The following HACD4 variants were observed in gnomAD, a reference collection of about 807,000 sequenced individuals.
The protein encoded by HACD4 is 3-hydroxyacyl-CoA dehydratase 4, also known as very-long-chain (3R)-3-hydroxyacyl-CoA dehydratase 4.
In HACD4, 35 loss-of-function variants were observed where a neutral mutation model predicts 33.3. The observed-to-expected ratio is 1.05, with a 90% CI of 0.80 to 1.39. The LOEUF (loss-of-function observed/expected upper bound fraction) is 1.39. Ranked by LOEUF, HACD4 falls within the 40% of genes most tolerant of loss-of-function variation. The pLI is 0.00. For synonymous variants in HACD4, 118 were observed against 98.0 expected (o/e 1.20, Z -1.21); for missense variants, 323 against 276.5 (o/e 1.17, Z -1.19).
chr9:21,031,469 CG>C, intron 1 of HACD4, 83 bp downstream of exon 1: 1 of 1,361,012 alleles, frequency 7.3e-7, no homozygotes, highest in Non-Finnish European at 9.4e-7. Flanking sequence ...GGGTGCCGCC[CG>C]CCCGCCCGCC....
chr9:21,020,275 T>C lies in HACD4; in HGVS notation c.271-4265A>G, dbSNP rs148015567. 5.5e-3 allele frequency among the ~76,000 whole-genome samples: 834 copies of C among 152,264 alleles called. 8 individuals are homozygous for C. Among genetic ancestry groups the C allele is most frequent in the African/African-American group, 0.019 (788 of 41,552 alleles). ...GTATAATTGAATCATTTTAATTCAA[T>C]TACAAATGAAATATTGGCATTTAAA... On this transcript the variant is annotated intron_variant, in intron 3 of 6. Coordinates refer to ENST00000495827, the MANE Select transcript of HACD4 (RefSeq NM_001010915.5).
At chr9:21,029,864 C>T (rs6475499) in intron 1 of HACD4, among the ~76,000 whole-genome samples, 141,640 of 151,996 alleles carry the variant, frequency 0.93, 66,271 homozygotes, top group East Asian at 1. Context: ...GGCCTGATGC[C>T]GCGGCCCAGC....
rs1172822601 is a variant in HACD4 at position 21,029,514 on chromosome 9, A to G, written c.39-116T>C. 5 of 589,152 alleles carry G rather than the reference A, an allele frequency of 8.5e-6. No individual in the cohort carries two copies. In the East Asian group the frequency reaches 1.2e-4, roughly 14 times the overall value. 36.5% of individuals were successfully genotyped at this position (589,152 alleles called of 1,614,324 possible). On this transcript the variant is annotated intron_variant, in intron 1 of 6. Transcript: ENST00000495827. ...AGAAAGCAAAAGAAAACTGTTTCAT[A>G]TCAGTCTTTTATCTGGTTACCCCCA...
At chr9:21,023,359 A>C (rs1057476124) in intron 3 of HACD4, among the ~76,000 whole-genome samples, 5 of 152,154 alleles carry the variant, frequency 3.3e-5, no homozygotes, top group African/African-American at 1.2e-4. Context: ...CTAGAACTTA[A>C]AGTATAATTT....
At chr9:21,010,951 A>T (rs1842411037) in intron 5 of HACD4, among the ~76,000 whole-genome samples, 1 of 152,182 alleles carries the variant, frequency 6.6e-6, no homozygotes, top group South Asian at 2.1e-4. Flanking sequence ...AATGTGGGCA[A>T]TGGTGAGTGG....
chr9:21,019,124 C>T (rs7047058), intron 3 of HACD4, among the ~76,000 whole-genome samples: 112,602 of 151,946 alleles, frequency 0.74, 41,767 homozygotes, highest in South Asian at 0.82. Flanking sequence ...ATTGTATTTG[C>T]TTCCTTCTTT....
chr9:21,007,193 A>T, intron 6 of HACD4, 74 bp from the exon 7 acceptor site: 2 of 829,350 alleles, frequency 2.4e-6, no homozygotes. Context: ...CTTTTAAAAT[A>T]CAGTCAGAGT....
rs1442208236 is a variant in HACD4, at chr9:21,031,594, C to T, written c.-4G>A. 3.5e-6 allele frequency: 5 copies of T among 1,430,772 alleles called. No homozygotes were observed. Among genetic ancestry groups the T allele is most frequent in the South Asian group, 1.4e-5 (1 of 70,888 alleles). The allele number at this position is 1,430,772 out of a possible 1,614,324, so 88.6% of individuals were successfully genotyped here. A position where few individuals can be genotyped will look rare whatever the true frequency, so the allele number is the denominator to read the frequency against. ...CGGGCAGCGCCAAGGGCCCCATGGG[C>T]CGCCGCCGCCAGGGCTTCCAGCGCG... On this transcript the variant is annotated 5_prime_UTR_variant, in exon 1 of 7. Transcript: ENST00000495827.
chr9:21,003,680 T>A lies in HACD4; in HGVS notation c.*3357A>T, dbSNP rs1404471796. The A allele has an allele frequency of 1.3e-5, 2 of 152,194 alleles. No individual in the cohort carries two copies. The highest frequency in any genetic ancestry group is 2.9e-5 in the Non-Finnish European group (2 of 68,010). 9.4% of individuals were successfully genotyped at this position (152,194 alleles called of 1,614,324 possible). A position where few individuals can be genotyped will look rare whatever the true frequency, so the allele number is the denominator to read the frequency against. On this transcript the variant is annotated 3_prime_UTR_variant, in exon 7 of 7. Transcript: ENST00000495827. ...CATCACAATATATTTAATACCTTTT[T>A]ACATAGTTTCTAGGTAAGATCTTTA...
chr9:21,008,191 G>A, intron 5 of HACD4, 45 bp from the exon 6 acceptor site: 2 of 1,555,360 alleles, frequency 1.3e-6, no homozygotes, highest in Admixed American at 3.7e-5. Flanking sequence ...TCCTTAAGTT[G>A]TTACAGGGAT....
chr9:21,025,975 A>C (rs1323229296), intron 3 of HACD4, among the ~76,000 whole-genome samples: 1 of 152,190 alleles, frequency 6.6e-6, no homozygotes, highest in Admixed American at 6.5e-5. Flanking sequence ...TAGAACTGGG[A>C]TTTGAATCCG....
chr9:21,031,548 C>A lies in HACD4; in HGVS notation c.38+5G>T. 6.8e-7 allele frequency: 1 copy of A among 1,461,450 alleles called. No homozygotes were observed. The highest frequency in any genetic ancestry group is 9.0e-7 in the Non-Finnish European group (1 of 1,113,622). 90.5% of individuals were successfully genotyped at this position (1,461,450 alleles called of 1,614,324 possible). Reference sequence around the variant, plus strand: ...CTCCCCTCGGGATTCGGCCGAGCGCCCTACCTGGGCTGCAGCCAGGCGGGC... The same window carrying A: ...CTCCCCTCGGGATTCGGCCGAGCGCACTACCTGGGCTGCAGCCAGGCGGGC... On this transcript the variant is annotated splice_donor_5th_base_variant and intron_variant, in intron 1 of 6. Transcript: ENST00000495827.
chr9:21,005,299 G>A lies in HACD4; in HGVS notation c.*1738C>T, dbSNP rs945018648. 6.6e-6 allele frequency: 1 copy of A among 152,186 alleles called. No homozygotes were observed. The highest frequency in any genetic ancestry group is 1.5e-5 in the Non-Finnish European group (1 of 68,030). The allele number at this position is 152,186 out of a possible 1,614,324, so 9.4% of individuals were successfully genotyped here. ...TGAAGACAGAATTCTTAACAAAAAC[G>A]GAACCAGAACTTAAAAGATGTGGGA... On this transcript the variant is annotated 3_prime_UTR_variant, in exon 7 of 7. Transcript: ENST00000495827. The surrounding 1 kb of genome is among the most constrained non-coding windows in gnomAD (Gnocchi z 4.0).
chr9:21,010,069 T>G (rs888205907), intron 5 of HACD4, among the ~76,000 whole-genome samples: 2 of 152,240 alleles, frequency 1.3e-5, no homozygotes, highest in Non-Finnish European at 1.5e-5. Context: ...ATATGTGTTT[T>G]TGTTTTATAA....
chr9:21,019,240 G>C (rs1019268013), intron 3 of HACD4, among the ~76,000 whole-genome samples: 1 of 152,084 alleles, frequency 6.6e-6, no homozygotes, highest in East Asian at 1.9e-4. Context: ...TATTACACTT[G>C]GTGAAACACT....
rs1423135011 is a variant in HACD4, at chr9:21,001,897, A to AAGAC, written c.*5136_*5139dup. ...TAGGGGTCCTGCAAGTTGAAATGGAAAGACACTAAACAGCAACTCAAAGCC... is the reference window on the plus strand; with the variant it reads ...TAGGGGTCCTGCAAGTTGAAATGGAAAGACAGACACTAAACAGCAACTCAAAGCC... On this transcript the variant is annotated 3_prime_UTR_variant, in exon 7 of 7. Transcript: ENST00000495827. 1 of 152,168 alleles carries AAGAC rather than the reference A, an allele frequency of 6.6e-6. No homozygotes were observed. Among genetic ancestry groups the AAGAC allele is most frequent in the Non-Finnish European group, 1.5e-5 (1 of 67,982 alleles). 9.4% of individuals were successfully genotyped at this position (152,168 alleles called of 1,614,324 possible). A position where few individuals can be genotyped will look rare whatever the true frequency, so the allele number is the denominator to read the frequency against.
In HACD4 at chr9:21,002,289, C is replaced by T. The variant is rs1156326790; in HGVS notation, c.*4748G>A. ...AAAAAAGTAAACTACACACAAAAGA[C>T]GTAATGCAGGAAATGAGGGACAAAA... On this transcript the variant is annotated 3_prime_UTR_variant, in exon 7 of 7. Coordinates refer to ENST00000495827, the MANE Select transcript of HACD4 (RefSeq NM_001010915.5). 3 of 151,918 alleles carry T rather than the reference C, an allele frequency of 2.0e-5. No individual in the cohort carries two copies. The highest frequency in any genetic ancestry group is 3.8e-4 in the East Asian group (2 of 5,196). The allele number at this position is 151,918 out of a possible 1,614,324, so 9.4% of individuals were successfully genotyped here.
Position 21,006,699 on chromosome 9 carries a change from CTTAAT to C in HACD4, c.*333_*337del, listed in dbSNP as rs1842278818. On this transcript the variant is annotated 3_prime_UTR_variant, in exon 7 of 7. Coordinates refer to ENST00000495827, the MANE Select transcript of HACD4 (RefSeq NM_001010915.5). This position sits in a 1 kb window ranked among gnomAD's most constrained non-coding sequence, Gnocchi z 4.6. The stretch of plus-strand genomic sequence containing the variant: ...TAATTTAGGTTATCAAGTTTGGTTT[CTTAAT>C]TTAATTGAATCTATTGCAGCTAATC... 4.1e-6 allele frequency: 1 copy of C among 246,862 alleles called. No homozygotes were observed. The highest frequency in any genetic ancestry group is 5.7e-5 in the Admixed American group (1 of 17,674). 15.3% of individuals were successfully genotyped at this position (246,862 alleles called of 1,614,324 possible).
intron 5 of HACD4, among the ~76,000 whole-genome samples, chr9:21,011,280 A>C (rs899874164): frequency 1.3e-5 from 2 of 152,194 alleles, no homozygotes; most frequent in African/African-American, 4.8e-5. Flanking sequence ...GAATCTCTAA[A>C]TGTTAACTTC....
Sources: allele counts gnomAD v4.1 joint callset (sites outside exome capture counted in the v4.1 genomes callset), GRCh38; gene constraint gnomAD v4.1.1; non-coding constraint Gnocchi (gnomAD v3.1); transcripts MANE v1.5; gene names NCBI Gene and HGNC (gene_info 2026-07-23, HGNC 2026-07-21).